The following RAD51B variants were observed in gnomAD, a reference collection of about 807,000 sequenced individuals.
The protein encoded by RAD51B is DNA repair protein RAD51 homolog 2.
In RAD51B, 38 loss-of-function variants were observed where a neutral mutation model predicts 42.2. The ratio of observed to expected loss-of-function variants is 0.90; its 90% CI spans 0.70 to 1.18. The LOEUF (loss-of-function observed/expected upper bound fraction) is 1.18. Ranked by LOEUF, RAD51B falls within the 50% of genes most tolerant of loss-of-function variation. The pLI, the probability that RAD51B is intolerant of heterozygous loss-of-function variation, is 0.00. For synonymous variants in RAD51B, 154 were observed against 145.2 expected, an observed-to-expected ratio of 1.06 and a Z score of -0.43; for missense variants, 373 against 400.7, an observed-to-expected ratio of 0.93 and a Z score of 0.59.
intron 5 of RAD51B, among the ~76,000 whole-genome samples, chr14:67,874,983 G>A (rs182583555): frequency 5.1e-4 from 78 of 152,288 alleles, no homozygotes; most frequent in African/African-American, 1.8e-3. Context: ...ATGGATAAAG[G>A]AAAGTAAAGT....
chr14:67,887,036 A>G lies in RAD51B; in HGVS notation c.588A>G (p.Glu196=). ...DEVLQRIESL[E]EEIISKGIKL... The stretch of plus-strand genomic sequence containing the variant: ...TCTTTTATAGGATTGAATCTTTGGA[A>G]GAAGAAATTATCTCAAAAGGAATTA... The change falls in exon 7 of 11, where the codon GAA becomes GAG. Residue 196 remains glutamate, a synonymous_variant. Coordinates refer to ENST00000471583, the MANE Select transcript of RAD51B (RefSeq NM_133510.4). 6.6e-7 allele frequency: 1 copy of G among 1,508,616 alleles called. No homozygotes were observed. Among genetic ancestry groups the G allele is most frequent in the Non-Finnish European group, 9.0e-7 (1 of 1,108,178 alleles). 93.5% of individuals were successfully genotyped at this position (1,508,616 alleles called of 1,614,324 possible).
chr14:68,148,574 T>C (rs75173824), intron 7 of RAD51B, among the ~76,000 whole-genome samples: 3,852 of 152,332 alleles, frequency 0.025, 130 homozygotes, highest in African/African-American at 0.074. Context: ...TTCAATGGTG[T>C]GAAAGCAATA....
At chr14:68,352,990 T>G (rs911274314) in intron 8 of RAD51B, among the ~76,000 whole-genome samples, 2 of 152,174 alleles carry the variant, frequency 1.3e-5, no homozygotes, top group African/African-American at 2.4e-5. Context: ...GTCATAAAAC[T>G]TTTCCTCAAT....
rs1287995968 is a variant in RAD51B, at chr14:68,551,045, A to T, written c.1037-43440A>T. ...ATCTTCCCTATATAAAATTCCCATG[A>T]TCCCCCAGGCAGTCAGTTTTAACTG... is the stretch of plus-strand genomic sequence containing the variant. On this transcript the variant is annotated intron_variant, in intron 10 of 10. Transcript: ENST00000487270. Among the ~76,000 whole-genome samples, 5 of 152,172 alleles carry T rather than the reference A, an allele frequency of 3.3e-5. 1 individual carries two copies. The highest frequency in any genetic ancestry group is 3.3e-4 in the Admixed American group (5 of 15,298).
chr14:68,106,705 A>G (rs1005276174), intron 7 of RAD51B, among the ~76,000 whole-genome samples: 2 of 151,890 alleles, frequency 1.3e-5, no homozygotes, highest in African/African-American at 4.8e-5. Context: ...GCTAAAGTCA[A>G]TAATCTCATA....
At chr14:67,868,421 G>T (rs2042400027) in intron 5 of RAD51B, among the ~76,000 whole-genome samples, 1 of 152,228 alleles carries the variant, frequency 6.6e-6, no homozygotes, top group African/African-American at 2.4e-5. Context: ...CCCGCACCTG[G>T]CTCAGAGGGT....
chr14:68,154,200 A>G (rs1455940757), intron 7 of RAD51B, among the ~76,000 whole-genome samples: 4 of 152,164 alleles, frequency 2.6e-5, no homozygotes, highest in Non-Finnish European at 5.9e-5. Context: ...ATTCCTATAA[A>G]TTTTAAACTT....
At chr14:67,897,199 G>A (rs2043450074) in intron 7 of RAD51B, among the ~76,000 whole-genome samples, 1 of 152,092 alleles carries the variant, frequency 6.6e-6, no homozygotes, top group African/African-American at 2.4e-5. Flanking sequence ...TGATTTATTG[G>A]ATATGACAAC....
chr14:68,287,208 G>A (rs1211849030), intron 7 of RAD51B, among the ~76,000 whole-genome samples: 1 of 152,122 alleles, frequency 6.6e-6, no homozygotes, highest in East Asian at 1.9e-4. Flanking sequence ...CTTTTTTAAA[G>A]ATCTTAATTT....
chr14:68,297,141 T>C (rs1018375479), intron 8 of RAD51B, among the ~76,000 whole-genome samples: 7 of 152,196 alleles, frequency 4.6e-5, no homozygotes, highest in Admixed American at 1.3e-4. Flanking sequence ...TCTTTTAAAA[T>C]AAGTTCAACA....
chr14:68,294,768 A>G (rs1233912585), intron 8 of RAD51B, among the ~76,000 whole-genome samples: 2 of 152,206 alleles, frequency 1.3e-5, no homozygotes, highest in Non-Finnish European at 2.9e-5. Flanking sequence ...ATTAAACACA[A>G]TAAAAAGGAT....
chr14:68,260,318 T>TGTGGGGGGG, intron 7 of RAD51B, among the ~76,000 whole-genome samples: 1 of 128,124 alleles, frequency 7.8e-6, no homozygotes, highest in African/African-American at 4.8e-5. Context: ...TGTGTGTGTG[T>TGTGGGGGGG]GGAGAGGGGA....
In RAD51B at chr14:68,143,756, C is replaced by T. The variant is rs564131595; in HGVS notation, c.757-148128C>T. Among the ~76,000 whole-genome samples the T allele has an allele frequency of 2.2e-4, 34 of 152,330 alleles. No homozygotes were observed. The South Asian group carries it at 5.2e-3, about 23-fold the overall frequency. ...TTCTGGGGGCTTTGAAAAGCAGCTG[C>T]AACCTTCAGAGGAAGCGCAGGGTGG... is the stretch of plus-strand genomic sequence containing the variant. On this transcript the variant is annotated intron_variant, in intron 7 of 10. Coordinates refer to ENST00000471583, the MANE Select transcript of RAD51B (RefSeq NM_133510.4).
At position 67,885,923 on chromosome 14, in the gene RAD51B, G is replaced by A; in HGVS notation, c.507G>A (p.Lys169=). Residue 169 remains lysine (K), a synonymous_variant, in exon 6 of 11, where the codon AAG becomes AAA. Transcript: ENST00000471583. The part of the protein sequence containing the change: ...RFPRYFNTEE[K]LLLTSSKVHL... Reference sequence around the variant, plus strand: ...CCAGATATTTTAACACTGAAGAAAAGTTACTTTTGACAAGTAGTAAAGTTC... The same window carrying A: ...CCAGATATTTTAACACTGAAGAAAAATTACTTTTGACAAGTAGTAAAGTTC... 6.2e-7 allele frequency: 1 copy of A among 1,606,858 alleles called. No individual in the cohort carries two copies. Among genetic ancestry groups the A allele is most frequent in the South Asian group, 1.1e-5 (1 of 90,386 alleles).
At chr14:68,478,181 C>T (rs1027933917), downstream of RAD51B, 148 of 985,770 alleles carry the variant, frequency 1.5e-4, no homozygotes, top group Non-Finnish European at 1.7e-4. Context: ...AGGCTGGGGG[C>T]GGGCATGGGC....
chr14:68,461,707 AG>A (rs967739555), intron 9 of RAD51B, among the ~76,000 whole-genome samples: 9 of 152,176 alleles, frequency 5.9e-5, no homozygotes, highest in African/African-American at 1.7e-4. Flanking sequence ...CACACCTGAG[AG>A]GGCTAATGCG....
rs10146321 is a variant in RAD51B, at chr14:68,411,321, A to G, written c.854-103A>G. On this transcript the variant is annotated intron_variant, in intron 8 of 10. Transcript: ENST00000471583. Reference sequence around the variant, plus strand: ...TTCTGTGGTAATGAACTGAGCCTCCAAGTACTCTCTGGACTACTGGCAATG... The same window carrying G: ...TTCTGTGGTAATGAACTGAGCCTCCGAGTACTCTCTGGACTACTGGCAATG... 178,853 of 920,498 alleles carry G rather than the reference A, an allele frequency of 0.19. 21,279 individuals are homozygous for G. The highest frequency in any genetic ancestry group is 0.52 in the East Asian group (20,581 of 39,302). 57.0% of individuals were successfully genotyped at this position (920,498 alleles called of 1,614,324 possible).
exon 11 of RAD51B, chr14:68,611,015 C>T (rs1180153901): frequency 1.4e-6 from 1 of 703,000 alleles, no homozygotes; most frequent in African/African-American, 1.7e-5. Context: ...GTTGTTAGAA[C>T]TGTGGCCAGA....
At chr14:68,120,529 T>C (rs1036548168) in intron 7 of RAD51B, among the ~76,000 whole-genome samples, 2 of 152,162 alleles carry the variant, frequency 1.3e-5, no homozygotes, top group African/African-American at 2.4e-5. Context: ...TACATATTCA[T>C]TGAATGAAAA....
Sources: gnomAD v4.1 joint callset for allele counts (sites outside exome capture counted in the v4.1 genomes callset) on GRCh38, gnomAD v4.1.1 for gene constraint, MANE v1.5 for transcripts, NCBI Gene and HGNC (gene_info 2026-07-23, HGNC 2026-07-21) for gene names.